CSMD2: variants seen among roughly 807,000 people sequenced by gnomAD.
The protein encoded by CSMD2 is CUB and sushi domain-containing protein 2.
CSMD2 carries 130 observed loss-of-function variants against 398.5 expected under a neutral mutation model. That is an observed-to-expected ratio of 0.33 (90% confidence interval 0.28 to 0.38). The LOEUF is 0.38. CSMD2 is among the 10% of genes least tolerant of loss of function. The pLI is 1.00. For synonymous variants in CSMD2, 1,828 were observed against 1,908.5 expected (o/e 0.96, Z 1.10); for missense variants, 3,829 against 4,764.9 (o/e 0.80, Z 5.78).
At chr1:33,654,864 G>A (rs991097874) in intron 27 of CSMD2, among the ~76,000 whole-genome samples, 1 of 152,252 alleles carries the variant, frequency 6.6e-6, no homozygotes, top group Non-Finnish European at 1.5e-5. Flanking sequence ...GATGGGGTGA[G>A]TCTCTGTGTT....
intron 5 of CSMD2, among the ~76,000 whole-genome samples, chr1:33,886,336 G>A (rs1641591235): frequency 6.6e-6 from 1 of 152,154 alleles, no homozygotes; most frequent in African/African-American, 2.4e-5. Flanking sequence ...CAGTGTTCCA[G>A]GTGTGAGAGC....
In CSMD2 at chr1:34,032,633, A is replaced by C. The variant is rs1429225252; in HGVS notation, c.478T>G (p.Tyr160Asp). Residue 160 changes from tyrosine (Y) to aspartate (D), a missense_variant, in exon 3 of 71, where the codon TAT becomes GAT. Physicochemically the swap from Tyr to Asp is radical, Grantham distance 160. Around this residue, in one of 5 missense-constraint regions of CSMD2, gnomAD observed 184 missense variants for 217.7 expected, o/e 0.85. Coordinates refer to ENST00000373381, the MANE Select transcript of CSMD2 (RefSeq NM_001281956.2). Reference protein sequence around the residue: ...TTLSLRLISDYAVSAQGFHAT... With the variant: ...TTLSLRLISDDAVSAQGFHAT... The stretch of plus-strand genomic sequence containing the variant: ...TGGAAGCCTTGGGCACTGACTGCAT[A>C]GTCGCTGATGAGGCGCAGAGAGAGG... 6 of 1,601,600 alleles carry C rather than the reference A, an allele frequency of 3.7e-6. No homozygotes were observed. In the Admixed American group the frequency reaches 1.0e-4, roughly 27 times the overall value.
At chr1:33,788,561 C>G (rs1042618725) in intron 12 of CSMD2, 39 bp downstream of exon 12, 1 of 1,150,052 alleles carries the variant, frequency 8.7e-7, no homozygotes, top group Admixed American at 1.7e-5. Flanking sequence ...GTCTCTGACT[C>G]CCAGGACACA....
At chr1:33,848,075 T>C (rs1638411770) in intron 5 of CSMD2, among the ~76,000 whole-genome samples, 1 of 152,178 alleles carries the variant, frequency 6.6e-6, no homozygotes, top group South Asian at 2.1e-4. Flanking sequence ...GCATAGGTCC[T>C]TATACCCTTT....
rs1252393437 is a variant in CSMD2 at position 33,644,529 on chromosome 1, A to G, written c.4774+2119T>C. On this transcript the variant is annotated intron_variant, in intron 29 of 70. Coordinates refer to ENST00000373381, the MANE Select transcript of CSMD2 (RefSeq NM_001281956.2). ...GGGGGAAAGGACATCACTCGTAGTG[A>G]CTCTAAGTATCACGTTTGTGCAGCT... Among the ~76,000 whole-genome samples the G allele has an allele frequency of 2.0e-5, 3 of 151,900 alleles. No individual in the cohort carries two copies. In the East Asian group the frequency reaches 5.8e-4, roughly 29 times the overall value.
chr1:33,687,288 T>G (rs991617954), intron 25 of CSMD2, among the ~76,000 whole-genome samples: 3 of 152,096 alleles, frequency 2.0e-5, no homozygotes, highest in African/African-American at 7.2e-5. Flanking sequence ...ACACAAATAG[T>G]ATTCTCAGGG....
intron 13 of CSMD2, among the ~76,000 whole-genome samples, chr1:33,749,984 A>G (rs1055124273): frequency 6.6e-6 from 1 of 152,208 alleles, no homozygotes; most frequent in African/African-American, 2.4e-5. Flanking sequence ...ACAATGACAC[A>G]CCTACAGTAT....
rs566465548 is a variant in CSMD2 at position 33,715,567 on chromosome 1, G to A, written c.3217+719C>T. 3.3e-5 allele frequency among the ~76,000 whole-genome samples: 5 copies of A among 152,330 alleles called. No homozygotes were observed. The South Asian group carries it at 1.0e-3, about 32-fold the overall frequency. Reference sequence around the variant, plus strand: ...CCAAGTGAATCCAGGGATGTGACAGGTGACTTCTGCATTGGAGGCCTGGCA... The same window carrying A: ...CCAAGTGAATCCAGGGATGTGACAGATGACTTCTGCATTGGAGGCCTGGCA... On this transcript the variant is annotated intron_variant, in intron 20 of 70. Coordinates refer to ENST00000373381, the MANE Select transcript of CSMD2 (RefSeq NM_001281956.2).
chr1:34,092,599 G>T (rs1283540975), intron 1 of CSMD2, among the ~76,000 whole-genome samples: 1 of 152,204 alleles, frequency 6.6e-6, no homozygotes. Flanking sequence ...CACTCGGGAC[G>T]TGCAAGGGGG....
chr1:33,830,463 AG>A (rs1361008448), intron 6 of CSMD2, among the ~76,000 whole-genome samples: 1 of 152,248 alleles, frequency 6.6e-6, no homozygotes, highest in Non-Finnish European at 1.5e-5. Flanking sequence ...GTCTGTTAGA[AG>A]GAAAACTAAC....
chr1:34,027,372 C>T (rs1189834961), intron 3 of CSMD2, among the ~76,000 whole-genome samples: 1 of 152,192 alleles, frequency 6.6e-6, no homozygotes, highest in Non-Finnish European at 1.5e-5. Context: ...ACTTGTAACA[C>T]TGGCAAGGTG....
At chr1:33,709,919 T>C (rs1254268631) in intron 21 of CSMD2, among the ~76,000 whole-genome samples, 1 of 152,140 alleles carries the variant, frequency 6.6e-6, no homozygotes, top group Non-Finnish European at 1.5e-5. Context: ...TCCTGGGTCC[T>C]GGGGAAAGTT....
chr1:34,136,136 A>G (rs940041018), intron 1 of CSMD2, among the ~76,000 whole-genome samples: 3 of 152,254 alleles, frequency 2.0e-5, no homozygotes, highest in Non-Finnish European at 4.4e-5. Flanking sequence ...TGAGAAACTC[A>G]GAGATCTGGT....
At chr1:34,125,300 G>A (rs1571198685) in intron 1 of CSMD2, among the ~76,000 whole-genome samples, 1 of 152,166 alleles carries the variant, frequency 6.6e-6, no homozygotes, top group African/African-American at 2.4e-5. Context: ...GGAAGGACAT[G>A]GCATAAGAGG....
At chr1:33,946,148 C>T (rs1193518719) in intron 3 of CSMD2, among the ~76,000 whole-genome samples, 2 of 152,208 alleles carry the variant, frequency 1.3e-5, no homozygotes, top group Non-Finnish European at 2.9e-5. Flanking sequence ...CAGGAGAAAC[C>T]TGCTTAACCT....
chr1:33,865,870 A>G (rs1639996630), intron 5 of CSMD2, among the ~76,000 whole-genome samples: 1 of 152,214 alleles, frequency 6.6e-6, no homozygotes, highest in South Asian at 2.1e-4. Flanking sequence ...TCTGGTAACT[A>G]GATTTTTCAG....
chr1:33,814,387 A>T (rs12044396), intron 9 of CSMD2, among the ~76,000 whole-genome samples: 17,353 of 152,160 alleles, frequency 0.11, 1,189 homozygotes, highest in East Asian at 0.26. Context: ...CAGTGACCCT[A>T]CCATTTATCT....
chr1:33,872,005 A>G (rs1389940541), intron 5 of CSMD2, among the ~76,000 whole-genome samples: 1 of 152,148 alleles, frequency 6.6e-6, no homozygotes. Context: ...TCATGATCCA[A>G]TCACCTCTTT....
At chr1:33,853,780 A>G (rs1016412384) in intron 5 of CSMD2, among the ~76,000 whole-genome samples, 1 of 152,228 alleles carries the variant, frequency 6.6e-6, no homozygotes, top group Non-Finnish European at 1.5e-5. Flanking sequence ...GGGTGGGTTA[A>G]GAACACTTTT....
Sources: gnomAD v4.1 joint callset for allele counts (sites outside exome capture counted in the v4.1 genomes callset) on GRCh38, gnomAD v4.1.1 for gene constraint, gnomAD v4.1.1 regional missense constraint, MANE v1.5 for transcripts, NCBI Gene and HGNC (gene_info 2026-07-23, HGNC 2026-07-21) for gene names.